The following OVCH1 variants were observed in gnomAD, a reference collection of about 807,000 sequenced individuals.
OVCH1 encodes the protein ovochymase 1.
In OVCH1, 139 loss-of-function variants were observed where a neutral mutation model predicts 138.4. That is an observed-to-expected ratio of 1.00 (90% CI 0.87 to 1.16). The LOEUF is 1.16. Ranked by LOEUF, OVCH1 falls within the 50% of genes most tolerant of loss-of-function variation. The pLI is 0.00. For missense variants in OVCH1, 1,367 were observed against 1,357.9 expected (o/e 1.01, Z -0.11); for synonymous variants, 453 against 467.8 (o/e 0.97, Z 0.41).
intron 3 of OVCH1, among the ~76,000 whole-genome samples, chr12:29,416,554 T>C (rs1481675543): frequency 6.6e-6 from 1 of 152,142 alleles, no homozygotes; most frequent in Admixed American, 6.6e-5. Context: ...AAATGAAACA[T>C]TGTTAGATAC....
At chr12:29,439,512 A>T in intron 25 of OVCH1, 1 of 1,356,996 alleles carries the variant, frequency 7.4e-7, no homozygotes, top group African/African-American at 1.5e-5. Context: ...ACTTCTCTAC[A>T]CCAACTAAAG....
Position 29,485,783 on chromosome 12 carries a change from GA to G in OVCH1, c.995+462del, listed in dbSNP as rs200977745. 0.013 allele frequency among the ~76,000 whole-genome samples: 1,857 copies of G among 145,470 alleles called. 107 individuals are homozygous for G. The East Asian group carries it at 0.18, about 14-fold the overall frequency. ...ACAGCATGAGACTCTGTCTCAAAAA[GA>G]AAAAAAAAATTAGCTGGGTGTGGTG... is the stretch of plus-strand genomic sequence containing the variant. On this transcript the variant is annotated intron_variant, in intron 8 of 27. Transcript: ENST00000318184.
At chr12:29,476,953 G>A (rs1216484716) in intron 12 of OVCH1, 149 bp downstream of exon 12, 1 of 966,952 alleles carries the variant, frequency 1.0e-6, no homozygotes, top group Non-Finnish European at 1.4e-6. Flanking sequence ...ACCACTCACA[G>A]AGATTTCTTT....
chr12:29,430,591 G>T (rs1209439495), intron 27 of OVCH1, among the ~76,000 whole-genome samples: 2 of 152,136 alleles, frequency 1.3e-5, no homozygotes, highest in African/African-American at 4.8e-5. Flanking sequence ...GGGAAACTGG[G>T]GGAGAGCTGA....
intron 22 of OVCH1, among the ~76,000 whole-genome samples, chr12:29,449,276 TACACACACACACACACACAC>T (rs10651165): frequency 4.4e-5 from 6 of 137,436 alleles, no homozygotes; most frequent in African/African-American, 1.1e-4. Context: ...CCCCCCTCCC[TACACACACACACACACACAC>T]ACACACACAC....
At chr12:29,455,073 A>G (rs886875096) in intron 20 of OVCH1, 140 bp from the exon 21 acceptor site, 1 of 1,132,858 alleles carries the variant, frequency 8.8e-7, no homozygotes, top group Non-Finnish European at 1.2e-6. Context: ...AGTCAGTTTA[A>G]CTCTACACAT....
At chr12:29,474,578 A>G (rs1942638964) in intron 14 of OVCH1, among the ~76,000 whole-genome samples, 1 of 152,062 alleles carries the variant, frequency 6.6e-6, no homozygotes, top group South Asian at 2.1e-4. Flanking sequence ...ATTCCCTCCA[A>G]AACTCAAAAC....
At chr12:29,412,188 G>A (rs935404746), downstream of OVCH1, among the ~76,000 whole-genome samples, 19 of 152,104 alleles carry the variant, frequency 1.2e-4, no homozygotes, top group East Asian at 3.9e-4. Flanking sequence ...GGAGTGACCC[G>A]ATTTTCCAGG....
chr12:29,417,782 T>TGA (rs1198544067), intron 3 of OVCH1, among the ~76,000 whole-genome samples: 23 of 147,174 alleles, frequency 1.6e-4, no homozygotes, highest in African/African-American at 5.2e-4. Context: ...TGTGTGTGTG[T>TGA]GTGTGTGTGT....
At chr12:29,414,923 T>C (rs1300078380) in intron 3 of OVCH1, among the ~76,000 whole-genome samples, 1 of 152,010 alleles carries the variant, frequency 6.6e-6, no homozygotes, top group East Asian at 1.9e-4. Flanking sequence ...TACAATAAAA[T>C]AAAACTTACA....
chr12:29,405,021 CAAAAAAAAAAAAAAAAAAA>C, the OVCH1 span, among the ~76,000 whole-genome samples: 2 of 80,438 alleles, frequency 2.5e-5, no homozygotes, highest in Admixed American at 1.5e-4. Context: ...CACTCCACCT[CAAAAAAAAAAAAAAAAAAA>C]AAAAAAAAAA....
chr12:29,405,833 A>T, the OVCH1 span, among the ~76,000 whole-genome samples: 1 of 152,214 alleles, frequency 6.6e-6, no homozygotes. Flanking sequence ...CATTCTTTTG[A>T]CTTGACTTTG....
Position 29,455,461 on chromosome 12 carries a change from T to C in OVCH1, c.2281-56A>G. The C allele has an allele frequency of 2.0e-6, 3 of 1,524,746 alleles. No individual in the cohort carries two copies. In the South Asian group the frequency reaches 3.9e-5, roughly 20 times the overall value. 94.5% of individuals were successfully genotyped at this position (1,524,746 alleles called of 1,614,324 possible). On this transcript the variant is annotated intron_variant, in intron 19 of 27. Coordinates refer to ENST00000318184, the Ensembl canonical transcript of OVCH1. ...ACTGCTTTAATCTGAAGCTCCTGCT[T>C]TCAGTTTTTAGAACAAGAATGACCA...
chr12:29,442,287 C>T (rs1301988312), intron 25 of OVCH1, among the ~76,000 whole-genome samples: 1 of 151,180 alleles, frequency 6.6e-6, no homozygotes, highest in Non-Finnish European at 1.5e-5. Flanking sequence ...GAATATTATG[C>T]AGCCATAAAA....
intron 26 of OVCH1, among the ~76,000 whole-genome samples, chr12:29,434,495 CAATA>C (rs933499095): frequency 7.3e-5 from 11 of 151,716 alleles, no homozygotes; most frequent in African/African-American, 2.7e-4. Context: ...AAAATTTTCC[CAATA>C]AAGCACAATA....
At chr12:29,464,528 C>T (rs531573487) in exon 18 of OVCH1, 38 of 1,613,294 alleles carry the variant, frequency 2.4e-5, no homozygotes, top group Admixed American at 2.0e-4. Flanking sequence ...CTTCCCCATC[C>T]GGTCACAGCA....
chr12:29,430,364 C>A (rs955850181), intron 27 of OVCH1, among the ~76,000 whole-genome samples: 3 of 152,164 alleles, frequency 2.0e-5, no homozygotes, highest in Admixed American at 1.3e-4. Context: ...GATAGGCGGG[C>A]CCCTAGAACT....
intron 24 of OVCH1, 136 bp from the exon 25 acceptor site, chr12:29,443,636 G>A: frequency 1.1e-6 from 1 of 899,726 alleles, no homozygotes. Context: ...CCTTATGGTT[G>A]TGAGAGAGAA....
chr12:29,411,369 G>T (rs550515647), downstream of OVCH1, among the ~76,000 whole-genome samples: 39 of 151,222 alleles, frequency 2.6e-4, no homozygotes, highest in African/African-American at 9.2e-4. Context: ...TTTGGAGGAG[G>T]AGAGGTGCTC....
Sources: gnomAD v4.1 joint callset for allele counts (sites outside exome capture counted in the v4.1 genomes callset) on GRCh38, gnomAD v4.1.1 for gene constraint, MANE v1.5 for transcripts, NCBI Gene and HGNC (gene_info 2026-07-23, HGNC 2026-07-21) for gene names.